CD2AP: variants seen among roughly 807,000 people sequenced by gnomAD.
The protein encoded by CD2AP is CD2-associated protein.
In CD2AP, 46 loss-of-function variants were observed where a neutral mutation model predicts 85.1. That is an observed-to-expected ratio of 0.54 (90% CI 0.43 to 0.69). CD2AP has a LOEUF of 0.69. CD2AP is among the 30% of genes least tolerant of loss of function. CD2AP has a pLI of 0.00. For missense variants in CD2AP, 769 were observed against 729.5 expected (o/e 1.05, Z -0.62); for synonymous variants, 255 against 252.9 (o/e 1.01, Z -0.08).
At chr6:47,562,144 C>G (rs1399282706) in intron 5 of CD2AP, among the ~76,000 whole-genome samples, 1 of 152,130 alleles carries the variant, frequency 6.6e-6, no homozygotes, top group African/African-American at 2.4e-5. Context: ...AATTGTGTTG[C>G]CTTGTTCGTT....
chr6:47,518,440 A>G (rs1052546594), intron 2 of CD2AP, among the ~76,000 whole-genome samples: 25 of 152,328 alleles, frequency 1.6e-4, no homozygotes, highest in African/African-American at 5.8e-4. Context: ...TTTTGCTTTT[A>G]TAATAATTTA....
intron 12 of CD2AP, among the ~76,000 whole-genome samples, chr6:47,598,598 C>T (rs376720376): frequency 2.7e-4 from 41 of 150,976 alleles, no homozygotes; most frequent in African/African-American, 9.9e-4. Flanking sequence ...AAATGGCATT[C>T]ACAGCAACCT....
rs1562051048 is a variant in CD2AP, at chr6:47,599,500, C to CTT, written c.1417+59_1417+60dup. ...AAAAAAAAAAATTGTCAAAGAAACT[C>CTT]TTTAAGAGATATATTTATGCAATTT... On this transcript the variant is annotated intron_variant, in intron 13 of 17. Transcript: ENST00000359314. 3 of 1,446,320 alleles carry CTT rather than the reference C, an allele frequency of 2.1e-6. No homozygotes were observed. The African/African-American group carries it at 4.3e-5, about 21-fold the overall frequency. The allele number at this position is 1,446,320 out of a possible 1,614,324, so 89.6% of individuals were successfully genotyped here.
At chr6:47,501,076 C>T (rs987988182) in intron 1 of CD2AP, among the ~76,000 whole-genome samples, 24 of 152,138 alleles carry the variant, frequency 1.6e-4, no homozygotes, top group African/African-American at 4.8e-4. Context: ...CAAATAAAAC[C>T]TTCCCAGAAG....
chr6:47,480,216 A>AAT (rs1468772924), intron 1 of CD2AP, among the ~76,000 whole-genome samples: 1 of 152,144 alleles, frequency 6.6e-6, no homozygotes, highest in Non-Finnish European at 1.5e-5. Flanking sequence ...TTTCCATATC[A>AAT]ATATATATAT....
chr6:47,612,285 T>C (rs1206059407), intron 16 of CD2AP, among the ~76,000 whole-genome samples, 188 bp from the exon 17 acceptor site: 1 of 152,164 alleles, frequency 6.6e-6, no homozygotes, highest in Non-Finnish European at 1.5e-5. Context: ...TTGGTTTTGC[T>C]GAATTTTTAA....
intron 3 of CD2AP, among the ~76,000 whole-genome samples, chr6:47,539,753 C>G (rs945616488): frequency 6.6e-6 from 1 of 152,014 alleles, no homozygotes; most frequent in Non-Finnish European, 1.5e-5. Flanking sequence ...GCAGTATGTC[C>G]CCGCCTTTGC....
chr6:47,586,462 G>T (rs1225455559), intron 11 of CD2AP, among the ~76,000 whole-genome samples: 1 of 152,158 alleles, frequency 6.6e-6, no homozygotes, highest in Non-Finnish European at 1.5e-5. Context: ...AAAGGTGAGA[G>T]AATGGGGACA....
intron 5 of CD2AP, among the ~76,000 whole-genome samples, chr6:47,558,846 T>A (rs541482593): frequency 1.3e-5 from 2 of 152,280 alleles, no homozygotes; most frequent in South Asian, 4.1e-4. Flanking sequence ...ATAAAATGAG[T>A]TACGGAGGAG....
chr6:47,609,514 A>T, intron 16 of CD2AP: 1 of 41,022 alleles, frequency 2.4e-5, no homozygotes, highest in Non-Finnish European at 4.1e-5. Context: ...CCATCTTTGC[A>T]AAAAAAAAAA....
chr6:47,614,503 A>G (rs1309599476), intron 17 of CD2AP, among the ~76,000 whole-genome samples: 22 of 152,190 alleles, frequency 1.4e-4, no homozygotes. Flanking sequence ...TTATCAATTA[A>G]GTTTGCTGTT....
chr6:47,516,052 C>T (rs1009827980), intron 2 of CD2AP, among the ~76,000 whole-genome samples: 1 of 152,134 alleles, frequency 6.6e-6, no homozygotes, highest in African/African-American at 2.4e-5. Flanking sequence ...GCCTCTATCC[C>T]TGGAAATTTT....
chr6:47,514,850 G>A (rs545423564), intron 2 of CD2AP, among the ~76,000 whole-genome samples: 104 of 152,260 alleles, frequency 6.8e-4, no homozygotes, highest in African/African-American at 2.4e-3. Flanking sequence ...TCAGGAGTTG[G>A]TGACCAGCCT....
At chr6:47,515,347 C>T (rs1766424893) in intron 2 of CD2AP, among the ~76,000 whole-genome samples, 1 of 151,856 alleles carries the variant, frequency 6.6e-6, no homozygotes, top group Non-Finnish European at 1.5e-5. Context: ...AGAGTTGGGG[C>T]TATAAAGTAT....
rs1180790375 is a variant in CD2AP, at chr6:47,589,693, T to C, written c.1109-6168T>C. On this transcript the variant is annotated intron_variant, in intron 11 of 17. Coordinates refer to ENST00000359314, the MANE Select transcript of CD2AP (RefSeq NM_012120.3). ...GTAAAGTCTGGCATTGGGGCTCATA[T>C]TTCCTGTTGGAGCATTTGCCAATCT... Among the ~76,000 whole-genome samples, 3 of 151,942 alleles carry C rather than the reference T, an allele frequency of 2.0e-5. No individual in the cohort carries two copies. The East Asian group carries it at 5.8e-4, about 29-fold the overall frequency.
At chr6:47,486,893 A>C (rs571368914) in intron 1 of CD2AP, among the ~76,000 whole-genome samples, 2 of 152,254 alleles carry the variant, frequency 1.3e-5, no homozygotes, top group African/African-American at 4.8e-5. Context: ...TCTTGGTTAG[A>C]GTGTTTTTGG....
chr6:47,564,537 C>G (rs1335151919), intron 5 of CD2AP, among the ~76,000 whole-genome samples: 1 of 152,038 alleles, frequency 6.6e-6, no homozygotes, highest in Non-Finnish European at 1.5e-5. Flanking sequence ...AATACCCTTC[C>G]TTCTTTGTTT....
In CD2AP at chr6:47,492,464, C is replaced by T. The variant is rs567532855; in HGVS notation, c.5-10816C>T. On this transcript the variant is annotated intron_variant, in intron 1 of 17. Transcript: ENST00000359314. ...AACTCCTGGGTTCAAGTGATCCTCC[C>T]CCGTTAGGCTCCCAAGTAGCTAGGA... 4.6e-5 allele frequency among the ~76,000 whole-genome samples: 7 copies of T among 151,462 alleles called. No homozygotes were observed. In the East Asian group the frequency reaches 1.4e-3, roughly 29 times the overall value.
intron 4 of CD2AP, among the ~76,000 whole-genome samples, chr6:47,553,322 A>G (rs2114060229): frequency 6.6e-6 from 1 of 151,534 alleles, no homozygotes; most frequent in South Asian, 2.1e-4. Context: ...AAAATTTGAC[A>G]GTGAATAGTT....
Sources: allele counts gnomAD v4.1 joint callset (sites outside exome capture counted in the v4.1 genomes callset), GRCh38; gene constraint gnomAD v4.1.1; transcripts MANE v1.5; gene names NCBI Gene and HGNC (gene_info 2026-07-23, HGNC 2026-07-21).